HARBI1: variants seen among roughly 807,000 people sequenced by gnomAD.
The protein encoded by HARBI1 is harbinger transposase derived 1, also known as putative nuclease HARBI1.
HARBI1 carries 15 observed loss-of-function variants against 25.3 expected under a neutral mutation model. That is an observed-to-expected ratio of 0.59 (90% CI 0.40 to 0.91). The LOEUF is 0.91. HARBI1 is among the 40% of genes least tolerant of loss of function. The probability of loss-of-function intolerance (pLI) is 0.00; values close to 1 mark genes in which losing one functional copy is unlikely to be tolerated. For synonymous variants in HARBI1, 168 were observed against 160.5 expected (o/e 1.05, Z -0.35); for missense variants, 396 against 445.8 (o/e 0.89, Z 1.01).
chr11:46,608,595 G>A (rs915925144), intron 2 of HARBI1, among the ~76,000 whole-genome samples: 5 of 151,462 alleles, frequency 3.3e-5, no homozygotes, highest in African/African-American at 1.2e-4. Flanking sequence ...ACAGGCACAC[G>A]CCACCATGCC....
Position 46,616,151 on chromosome 11 carries a change from A to T in HARBI1, c.87T>A (p.Asp29Glu). The change falls in exon 2 of 3, where the codon GAT becomes GAA. Residue 29 changes from aspartate to glutamate, a missense_variant. By Grantham distance (45) the Asp-to-Glu change is conservative (BLOSUM62 2). Coordinates refer to ENST00000326737, the MANE Select transcript of HARBI1 (RefSeq NM_173811.4). ...HRTLDRFKLD[D>E]VTDEYLMSMY... ...TGGACATCAAGTATTCATCAGTCAC[A>T]TCATCCAGCTTAAAACGGTCCAATG... 1 of 1,614,186 alleles carries T rather than the reference A, an allele frequency of 6.2e-7. No individual in the cohort carries two copies. The highest frequency in any genetic ancestry group is 8.5e-7 in the Non-Finnish European group (1 of 1,180,038).
chr11:46,617,552 C>T (rs995673971), upstream of HARBI1: 1 of 222,832 alleles, frequency 4.5e-6, no homozygotes, highest in Non-Finnish European at 8.4e-6. Flanking sequence ...CCCCCCCCCC[C>T]GGCCATTACC....
chr11:46,614,444 AT>A (rs893565487), intron 2 of HARBI1, among the ~76,000 whole-genome samples: 8 of 150,894 alleles, frequency 5.3e-5, no homozygotes, highest in African/African-American at 1.5e-4. Flanking sequence ...AATAATAATA[AT>A]TTTTTTTTAC....
intron 2 of HARBI1, among the ~76,000 whole-genome samples, chr11:46,608,939 T>C (rs942242086): frequency 6.6e-6 from 1 of 150,642 alleles, no homozygotes; most frequent in Non-Finnish European, 1.5e-5. Context: ...TTTTTTTTTT[T>C]TGAGGCAAAG....
intron 2 of HARBI1, among the ~76,000 whole-genome samples, chr11:46,609,850 A>ATTT (rs750558478): frequency 4.0e-5 from 5 of 124,932 alleles, no homozygotes; most frequent in Non-Finnish European, 8.2e-5. Context: ...AAATAAAAGA[A>ATTT]TTTTTTTTTT....
At chr11:46,604,488 T>A in intron 2 of HARBI1, 1 of 970,882 alleles carries the variant, frequency 1.0e-6, no homozygotes, top group South Asian at 4.8e-5. Flanking sequence ...TAAAATCAAA[T>A]AGCATGCCAA....
At chr11:46,605,918 T>C (rs958972834) in intron 2 of HARBI1, among the ~76,000 whole-genome samples, 17 of 148,042 alleles carry the variant, frequency 1.1e-4, no homozygotes, top group African/African-American at 3.8e-4. Flanking sequence ...TTTGAGAGTC[T>C]CACTCTGCCC....
At chr11:46,615,098 G>C (rs1219596005) in intron 2 of HARBI1, among the ~76,000 whole-genome samples, 1 of 151,786 alleles carries the variant, frequency 6.6e-6, no homozygotes, top group African/African-American at 2.4e-5. Flanking sequence ...TTTTAGTATA[G>C]ACGGGGTTTC....
chr11:46,606,302 T>G (rs1591236403), intron 2 of HARBI1, among the ~76,000 whole-genome samples: 5 of 152,040 alleles, frequency 3.3e-5, no homozygotes, highest in Admixed American at 3.3e-4. Flanking sequence ...CTATGTAGCA[T>G]GTACTGTGCT....
chr11:46,604,512 T>C (rs2135373007), intron 2 of HARBI1: 1 of 982,396 alleles, frequency 1.0e-6, no homozygotes, highest in Non-Finnish European at 1.2e-6. Flanking sequence ...TCAAAATCTC[T>C]ACAGAGCAAG....
At position 46,603,727 on chromosome 11, in the gene HARBI1, G is replaced by T; in HGVS notation, c.853C>A (p.Pro285Thr). 1 of 1,614,158 alleles carries T rather than the reference G, an allele frequency of 6.2e-7. No homozygotes were observed. Among genetic ancestry groups the T allele is most frequent in the Non-Finnish European group, 8.5e-7 (1 of 1,180,026 alleles). ...AAGATGATATGGCTGGATTTCTCTG[G>T]TGAGTACTGCAGTGCCCCCTTGGAT... ...DGSKGALQYS[P>T]EKSSHIILAC... The change falls in exon 3 of 3, where the codon CCA (proline) becomes ACA (threonine). Residue 285 changes from proline to threonine, a missense_variant. Physicochemically the swap from Pro to Thr is conservative, Grantham distance 38. Transcript: ENST00000326737.
chr11:46,608,290 C>A (rs369030016), intron 2 of HARBI1, among the ~76,000 whole-genome samples: 16 of 152,152 alleles, frequency 1.1e-4, no homozygotes, highest in Admixed American at 2.6e-4. Flanking sequence ...AAGAGCGAAA[C>A]TCCATCTCAA....
rs2135368703 is a variant in HARBI1, at chr11:46,603,173, G to T, written c.*357C>A. ...AATTTTTGTATTTTTAGTAGAGACGGGGTTTCACCATGTTGGCCAGGCTGG... is the reference window on the plus strand; with the variant it reads ...AATTTTTGTATTTTTAGTAGAGACGTGGTTTCACCATGTTGGCCAGGCTGG... On this transcript the variant is annotated 3_prime_UTR_variant, in exon 3 of 3. Coordinates refer to ENST00000326737, the MANE Select transcript of HARBI1 (RefSeq NM_173811.4). 1 of 163,244 alleles carries T rather than the reference G, an allele frequency of 6.1e-6. No individual in the cohort carries two copies. Among genetic ancestry groups the T allele is most frequent in the Admixed American group, 6.2e-5 (1 of 16,044 alleles). 10.1% of individuals were successfully genotyped at this position (163,244 alleles called of 1,614,324 possible). A position where few individuals can be genotyped will look rare whatever the true frequency, so the allele number is the denominator to read the frequency against.
chr11:46,612,942 G>A (rs1275975033), intron 2 of HARBI1, among the ~76,000 whole-genome samples: 2 of 148,948 alleles, frequency 1.3e-5, no homozygotes, highest in African/African-American at 5.0e-5. Flanking sequence ...AAAGTGCTGG[G>A]ATTATAGGCA....
intron 2 of HARBI1, among the ~76,000 whole-genome samples, chr11:46,615,101 G>A (rs1384340636): frequency 6.6e-6 from 1 of 151,668 alleles, no homozygotes; most frequent in Non-Finnish European, 1.5e-5. Flanking sequence ...TAGTATAGAC[G>A]GGGTTTCTCC....
At position 46,603,255 on chromosome 11, in the gene HARBI1, T is replaced by C. The variant is rs1177227905; in HGVS notation, c.*275A>G. The C allele has an allele frequency of 7.0e-6, 2 of 284,096 alleles. No homozygotes were observed. Among genetic ancestry groups the C allele is most frequent in the Non-Finnish European group, 1.3e-5 (2 of 152,358 alleles). 17.6% of individuals were successfully genotyped at this position (284,096 alleles called of 1,614,324 possible). A position where few individuals can be genotyped will look rare whatever the true frequency, so the allele number is the denominator to read the frequency against. ...CTTTGTAGGCACAGTCATAAATGTT[T>C]GCAACCACTGAGCTTTCAAATTAGT... On this transcript the variant is annotated 3_prime_UTR_variant, in exon 3 of 3. Coordinates refer to ENST00000326737, the MANE Select transcript of HARBI1 (RefSeq NM_173811.4).
chr11:46,606,436 C>T (rs529414014), intron 2 of HARBI1, among the ~76,000 whole-genome samples: 2 of 151,744 alleles, frequency 1.3e-5, no homozygotes, highest in Admixed American at 1.3e-4. Context: ...CCTCAGTCTC[C>T]TGAGTAGCTG....
chr11:46,615,038 G>A (rs971507346), intron 2 of HARBI1, among the ~76,000 whole-genome samples: 3 of 151,848 alleles, frequency 2.0e-5, no homozygotes, highest in Admixed American at 6.6e-5. Flanking sequence ...TCAGCCTCCC[G>A]AGTAGCTGGG....
rs548679804 is a variant in HARBI1 at position 46,615,062 on chromosome 11, G to A, written c.670+506C>T. Among the ~76,000 whole-genome samples, 22 of 151,890 alleles carry A rather than the reference G, an allele frequency of 1.4e-4. 1 individual carries two copies. In the East Asian group the frequency reaches 3.9e-3, roughly 27 times the overall value. Reference sequence around the variant, plus strand: ...CGAGTAGCTGGGATTGCAGGCATGCGCTACTACGCCCGGCTAATTTTGTAT... The same window carrying A: ...CGAGTAGCTGGGATTGCAGGCATGCACTACTACGCCCGGCTAATTTTGTAT... On this transcript the variant is annotated intron_variant, in intron 2 of 2. Transcript: ENST00000326737.
Sources: gnomAD v4.1 joint callset for allele counts (sites outside exome capture counted in the v4.1 genomes callset) on GRCh38, gnomAD v4.1.1 for gene constraint, MANE v1.5 for transcripts, NCBI Gene and HGNC (gene_info 2026-07-23, HGNC 2026-07-21) for gene names.